The following MLLT11 variants were observed in gnomAD, a reference collection of about 807,000 sequenced individuals.
MLLT11 encodes MLLT11 transcription factor 7 cofactor, also known as protein AF1q.
Under a neutral mutation model 5.3 loss-of-function variants are expected in MLLT11, and 1 was observed. The ratio of observed to expected loss-of-function variants is 0.19; its 90% CI spans 0.07 to 0.89. MLLT11 has a LOEUF of 0.89. Ranked by LOEUF, MLLT11 falls within the 40% of genes least tolerant of loss-of-function variation. MLLT11 has a pLI of 0.67. For missense variants in MLLT11, 87 were observed against 107.3 expected (o/e 0.81, Z 0.83); for synonymous variants, 38 against 41.7 (o/e 0.91, Z 0.34).
At chr1:151,067,028 T>G in intron 1 of MLLT11, 191 bp from the exon 2 acceptor site, 1 of 474,426 alleles carries the variant, frequency 2.1e-6, no homozygotes, top group South Asian at 4.2e-5. Flanking sequence ...GGATGGTGAG[T>G]TTCTTTTTTT....
rs1676495366 is a variant in MLLT11, at chr1:151,067,769, C to G, written c.*272C>G. 6 of 502,790 alleles carry G rather than the reference C, an allele frequency of 1.2e-5. No homozygotes were observed. The highest frequency in any genetic ancestry group is 2.2e-5 in the Non-Finnish European group (6 of 271,604). The allele number at this position is 502,790 out of a possible 1,614,324, so 31.1% of individuals were successfully genotyped here. A position where few individuals can be genotyped will look rare whatever the true frequency, so the allele number is the denominator to read the frequency against. ...CCCCCCCAAATATTAACTCCAGAAACTAGGCCTGACTGGGGACACCTGAGA... is the reference window on the plus strand; with the variant it reads ...CCCCCCCAAATATTAACTCCAGAAAGTAGGCCTGACTGGGGACACCTGAGA... On this transcript the variant is annotated 3_prime_UTR_variant, in exon 2 of 2. Coordinates refer to ENST00000368921, the MANE Select transcript of MLLT11 (RefSeq NM_006818.4).
At chr1:151,064,118 T>G (rs1303817070) in intron 1 of MLLT11, among the ~76,000 whole-genome samples, 1 of 151,904 alleles carries the variant, frequency 6.6e-6, no homozygotes, top group Non-Finnish European at 1.5e-5. Flanking sequence ...ACCTCCCAGG[T>G]TCAAGCAATT....
rs76486207 is a variant in MLLT11, at chr1:151,069,164, T to C, written c.*1667T>C. Among the ~76,000 whole-genome samples the C allele has an allele frequency of 0.011, 1,616 of 152,226 alleles. 16 individuals carry two copies. Among genetic ancestry groups the C allele is most frequent in the Non-Finnish European group, 0.015 (1,014 of 68,026 alleles). On this transcript the variant is annotated 3_prime_UTR_variant, in exon 2 of 2. Transcript: ENST00000368921. ...ACTTCTGGTTTTTGTGTGCCTGCTA[T>C]AGGAAAGCACTGAGCCAAACAGAAT...
intron 1 of MLLT11, 119 bp from the exon 2 acceptor site, chr1:151,067,100 G>GAA (rs57235606): frequency 2.2e-3 from 1,444 of 643,234 alleles, no homozygotes; most frequent in Non-Finnish European, 2.6e-3. Context: ...TTCTTTAATA[G>GAA]AAAAAAAAAA....
chr1:151,064,796 CGA>C (rs71782948), intron 1 of MLLT11, among the ~76,000 whole-genome samples: 2 of 152,010 alleles, frequency 1.3e-5, no homozygotes, highest in African/African-American at 4.8e-5. Context: ...TGTGTGGCTC[CGA>C]GAGAGTGTAT....
At chr1:151,061,251 T>G (rs939718129) in intron 1 of MLLT11, among the ~76,000 whole-genome samples, 3 of 152,074 alleles carry the variant, frequency 2.0e-5, no homozygotes, top group Non-Finnish European at 4.4e-5. Context: ...AGGCACACAT[T>G]ATGAGATGTC....
intron 1 of MLLT11, among the ~76,000 whole-genome samples, chr1:151,062,995 TC>T (rs1222349176): frequency 6.6e-6 from 1 of 152,036 alleles, no homozygotes; most frequent in African/African-American, 2.4e-5. Flanking sequence ...TCCAACATGC[TC>T]CCCGACCCTG....
rs587675369 is a variant in MLLT11 at position 151,069,005 on chromosome 1, T to C, written c.*1508T>C. ...TGAAAGGGCAAAATCAACTTAAAAT[T>C]AGAAAAGTAGTTAGGGAGACAGGTA... On this transcript the variant is annotated 3_prime_UTR_variant, in exon 2 of 2. Transcript: ENST00000368921. Among the ~76,000 whole-genome samples, 7 of 152,348 alleles carry C rather than the reference T, an allele frequency of 4.6e-5. No individual in the cohort carries two copies. The highest frequency in any genetic ancestry group is 1.0e-4 in the Non-Finnish European group (7 of 68,028).
chr1:151,063,646 C>G (rs1361831574), intron 1 of MLLT11, among the ~76,000 whole-genome samples: 2 of 152,124 alleles, frequency 1.3e-5, no homozygotes, highest in Non-Finnish European at 2.9e-5. Flanking sequence ...AGGATGGTCT[C>G]GATCTCCTGA....
intron 1 of MLLT11, among the ~76,000 whole-genome samples, chr1:151,063,218 C>G (rs113754123): frequency 1.1e-4 from 17 of 152,250 alleles, no homozygotes; most frequent in African/African-American, 4.1e-4. Flanking sequence ...CTTTTTCTGC[C>G]TTAGTACAGT....
chr1:151,065,256 T>A (rs143967122), intron 1 of MLLT11, among the ~76,000 whole-genome samples: 7,280 of 152,310 alleles, frequency 0.048, 296 homozygotes, highest in African/African-American at 0.1. Flanking sequence ...TGGTACCCTG[T>A]GTACATGTCT....
At position 151,064,511 on chromosome 1, in the gene MLLT11, T is replaced by C. The variant is rs587743810; in HGVS notation, c.-6-2708T>C. Among the ~76,000 whole-genome samples the C allele has an allele frequency of 3.3e-5, 5 of 152,324 alleles. No individual in the cohort carries two copies. In the South Asian group the frequency reaches 6.2e-4, roughly 19 times the overall value. Reference sequence around the variant, plus strand: ...ACCACTTGTGTACAGAGAAAGTAGATTGGTCTTTACCCTTGGGGAAACTCC... The same window carrying C: ...ACCACTTGTGTACAGAGAAAGTAGACTGGTCTTTACCCTTGGGGAAACTCC... On this transcript the variant is annotated intron_variant, in intron 1 of 1. Coordinates refer to ENST00000368921, the MANE Select transcript of MLLT11 (RefSeq NM_006818.4).
intron 1 of MLLT11, among the ~76,000 whole-genome samples, chr1:151,064,233 C>A (rs1676445691): frequency 6.6e-6 from 1 of 152,000 alleles, no homozygotes; most frequent in Admixed American, 6.6e-5. Context: ...GTTGGTTGGG[C>A]TGGTCTTGAA....
intron 1 of MLLT11, 47 bp downstream of exon 1, chr1:151,060,600 G>A (rs774049299): frequency 6.6e-6 from 1 of 152,230 alleles, no homozygotes; most frequent in Non-Finnish European, 1.5e-5. Flanking sequence ...AGATAGAAGA[G>A]CGGCTGCTTA....
At position 151,067,397 on chromosome 1, in the gene MLLT11, A is replaced by T; in HGVS notation, c.173A>T (p.Glu58Val). Residue 58 changes from glutamate to valine, a missense_variant, in exon 2 of 2, where the codon GAG (glutamate) becomes GTG (valine). Transcript: ENST00000368921. Reference protein sequence around the residue: ...MIGQATAADQEKNPEGDGLLE... With the variant: ...MIGQATAADQVKNPEGDGLLE... ...GGGCAAGCAACTGCAGCAGACCAGGAGAAAAACCCTGAAGGTGATGGCCTC... is the reference window on the plus strand; with the variant it reads ...GGGCAAGCAACTGCAGCAGACCAGGTGAAAAACCCTGAAGGTGATGGCCTC... 6.2e-7 allele frequency: 1 copy of T among 1,614,206 alleles called. No individual in the cohort carries two copies. The highest frequency in any genetic ancestry group is 1.1e-5 in the South Asian group (1 of 91,082).
At position 151,068,933 on chromosome 1, in the gene MLLT11, G is replaced by C. The variant is rs587756840; in HGVS notation, c.*1436G>C. On this transcript the variant is annotated 3_prime_UTR_variant, in exon 2 of 2. Transcript: ENST00000368921. ...ATTCAACTTAGAGGAAGAATGATTT[G>C]AGTAGCATTTAGACATTAGATGGTG... Among the ~76,000 whole-genome samples the C allele has an allele frequency of 2.6e-4, 39 of 152,240 alleles. No individual in the cohort carries two copies. Among genetic ancestry groups the C allele is most frequent in the African/African-American group, 8.7e-4 (36 of 41,550 alleles).
At chr1:151,063,152 A>C (rs6694357) in intron 1 of MLLT11, among the ~76,000 whole-genome samples, 8,776 of 152,148 alleles carry the variant, frequency 0.058, 258 homozygotes, top group Middle Eastern at 0.12. Context: ...CTACCCACTC[A>C]CCATTCCTGA....
chr1:151,066,449 A>T (rs1199071011), intron 1 of MLLT11, among the ~76,000 whole-genome samples: 1 of 152,186 alleles, frequency 6.6e-6, no homozygotes, highest in African/African-American at 2.4e-5. Context: ...AAATGCGGAA[A>T]GTATTTTAAG....
intron 1 of MLLT11, among the ~76,000 whole-genome samples, chr1:151,066,242 A>C (rs1035044945): frequency 6.6e-6 from 1 of 150,818 alleles, no homozygotes; most frequent in African/African-American, 2.4e-5. Context: ...GATTCCAGCA[A>C]TTCTCGTGCC....
Sources: allele counts gnomAD v4.1 joint callset (sites outside exome capture counted in the v4.1 genomes callset), GRCh38; gene constraint gnomAD v4.1.1; transcripts MANE v1.5; gene names NCBI Gene and HGNC (gene_info 2026-07-23, HGNC 2026-07-21).